Variants in SMG1 observed in about 807,000 individuals in gnomAD.
The protein encoded by SMG1 is SMG1 nonsense mediated mRNA decay associated PI3K related kinase.
A neutral mutation model predicts 419.9 loss-of-function variants in SMG1; 22 were observed. The observed-to-expected ratio is 0.05, with a 90% CI of 0.04 to 0.07. The LOEUF (loss-of-function observed/expected upper bound fraction) is 0.07, where lower values mean the gene tolerates loss of function less well. Among genes scored for constraint, SMG1 ranks in the 10% least tolerant of loss-of-function variants. The pLI, the probability that SMG1 is intolerant of heterozygous loss-of-function variation, is 1.00. For missense variants in SMG1, 3,185 were observed against 4,342.0 expected, an observed-to-expected ratio of 0.73 and a Z score of 7.49; for synonymous variants, 1,538 against 1,553.5, an observed-to-expected ratio of 0.99 and a Z score of 0.23.
intron 36 of SMG1, 58 bp downstream of exon 36, chr16:18,849,159 C>A: frequency 8.5e-7 from 1 of 1,174,932 alleles, no homozygotes. Flanking sequence ...TTTGACCTCA[C>A]TAAAATTATT....
rs951091755 is a variant in SMG1, at chr16:18,808,412, T to A, written c.*1157A>T. The A allele has an allele frequency of 6.6e-6, 1 of 152,156 alleles. No individual in the cohort carries two copies. The highest frequency in any genetic ancestry group is 2.4e-5 in the African/African-American group (1 of 41,432). 9.4% of individuals were successfully genotyped at this position (152,156 alleles called of 1,614,324 possible). ...AATTAAAAGTATCAAATGAAAAACA[T>A]GAATTAAAAAAATTTCAGTCTACCT... On this transcript the variant is annotated 3_prime_UTR_variant, in exon 63 of 63. Coordinates refer to ENST00000446231, the MANE Select transcript of SMG1 (RefSeq NM_015092.5).
intron 29 of SMG1, chr16:18,857,231 C>T (rs1292081014): frequency 1.3e-5 from 2 of 152,196 alleles, no homozygotes; most frequent in Non-Finnish European, 2.9e-5. Context: ...GTAACACCAG[C>T]TATCATGTTT....
At position 18,835,136 on chromosome 16, in the gene SMG1, G is replaced by T; in HGVS notation, c.8086C>A (p.Pro2696Thr). The change falls in exon 49 of 63, where the codon CCC becomes ACC. Residue 2696 changes from proline to threonine, a missense_variant. This residue lies in a region of SMG1 where 412 missense variants were observed against 546.6 expected (regional missense o/e 0.75). Coordinates refer to ENST00000446231, the MANE Select transcript of SMG1 (RefSeq NM_015092.5). ...GTGATGAACTGACACACTGTTGGGG[G>T]TGGCTGGGGAGCATATTGCATTTCA... ...KYEMQYAPQP[P>T]PTVCQFITAT... is the part of the protein sequence containing the mutation. 2 of 1,612,274 alleles carry T rather than the reference G, an allele frequency of 1.2e-6. No homozygotes were observed. Among genetic ancestry groups the T allele is most frequent in the Non-Finnish European group, 1.7e-6 (2 of 1,178,404 alleles).
intron 25 of SMG1, among the ~76,000 whole-genome samples, chr16:18,863,297 G>T (rs1038302860): frequency 2.0e-5 from 3 of 152,158 alleles, no homozygotes; most frequent in African/African-American, 7.2e-5. Flanking sequence ...AAATGTTTTT[G>T]ATATATTCAG....
chr16:18,888,818 ATCTTTTTT>A (rs1287175906), intron 6 of SMG1, among the ~76,000 whole-genome samples: 16 of 113,726 alleles, frequency 1.4e-4, no homozygotes, highest in Non-Finnish European at 2.4e-4. Flanking sequence ...TTCAACATGT[ATCTTTTTT>A]TTTTTTTTTT....
At chr16:18,810,161 TTA>T (rs886205611) in intron 62 of SMG1, among the ~76,000 whole-genome samples, 1 of 152,140 alleles carries the variant, frequency 6.6e-6, no homozygotes, top group Non-Finnish European at 1.5e-5. Context: ...AAATGTACAT[TTA>T]TAATGAAGAC....
chr16:18,905,945 T>A (rs899914241), intron 1 of SMG1, among the ~76,000 whole-genome samples: 1 of 152,064 alleles, frequency 6.6e-6, no homozygotes, highest in Non-Finnish European at 1.5e-5. Context: ...TTAGATTTCA[T>A]TGTGTATCAT....
intron 46 of SMG1, 60 bp downstream of exon 46, chr16:18,837,193 A>G: frequency 7.1e-7 from 1 of 1,408,894 alleles, no homozygotes; most frequent in African/African-American, 1.4e-5. Context: ...TGATGTTTAC[A>G]TGAATATGAA....
chr16:18,830,771 C>G (rs2033121804), intron 51 of SMG1, among the ~76,000 whole-genome samples: 1 of 151,884 alleles, frequency 6.6e-6, no homozygotes, highest in African/African-American at 2.4e-5. Flanking sequence ...CCAGTCTGGG[C>G]AACAAGAGCG....
At chr16:18,869,710 T>C in intron 19 of SMG1, 144 bp downstream of exon 19, 1 of 724,994 alleles carries the variant, frequency 1.4e-6, no homozygotes, top group Non-Finnish European at 2.3e-6. Context: ...TTCCTATTGA[T>C]GAAAACTAAA....
rs771400868 is a variant in SMG1, at chr16:18,860,729, T to C, written c.3743A>G (p.Gln1248Arg). 1.3e-6 allele frequency: 2 copies of C among 1,551,624 alleles called. No individual in the cohort carries two copies. Among genetic ancestry groups the C allele is most frequent in the Admixed American group, 1.7e-5 (1 of 57,930 alleles). The change falls in exon 26 of 63, where the codon CAG (glutamine) becomes CGG (arginine). Residue 1248 changes from glutamine (Q) to arginine (R), a missense_variant. Coordinates refer to ENST00000446231, the MANE Select transcript of SMG1 (RefSeq NM_015092.5). Reference sequence around the variant, plus strand: ...ATTTTCTCCTGGTAACAATTCTAACTGCTCGGTACATTCAACAAATTTTCC... The same window carrying C: ...ATTTTCTCCTGGTAACAATTCTAACCGCTCGGTACATTCAACAAATTTTCC... ...ESGKFVECTE[Q>R]LELLPGENIN...
intron 40 of SMG1, 111 bp downstream of exon 40, chr16:18,842,097 G>A (rs2033960580): frequency 6.8e-6 from 8 of 1,185,164 alleles, no homozygotes; most frequent in South Asian, 1.6e-5. Context: ...GGCTAATAAT[G>A]ACATACAGAA....
intron 6 of SMG1, among the ~76,000 whole-genome samples, chr16:18,887,521 T>TTTTTTTTTG (rs2036668579): frequency 1.4e-5 from 2 of 140,326 alleles, no homozygotes; most frequent in African/African-American, 2.6e-5. Context: ...TTTTCCTTTT[T>TTTTTTTTTG]TTTTTTTTTT....
chr16:18,874,724 G>A (rs552018946), intron 13 of SMG1, among the ~76,000 whole-genome samples: 1 of 150,580 alleles, frequency 6.6e-6, no homozygotes, highest in Non-Finnish European at 1.5e-5. Context: ...AAATTAGCCC[G>A]TCGTAGTGGT....
intron 23 of SMG1, among the ~76,000 whole-genome samples, chr16:18,865,392 C>T (rs575486790): frequency 1.3e-5 from 2 of 152,270 alleles, no homozygotes; most frequent in African/African-American, 4.8e-5. Context: ...GTATAAACTG[C>T]AGCCACCTTT....
intron 31 of SMG1, among the ~76,000 whole-genome samples, chr16:18,853,365 G>C (rs1164786863): frequency 1.3e-5 from 2 of 152,118 alleles, no homozygotes; most frequent in East Asian, 3.9e-4. Flanking sequence ...AAACATCTAA[G>C]TCCATAAAAG....
At chr16:18,814,714 A>T (rs2606550) in intron 60 of SMG1, among the ~76,000 whole-genome samples, 13,307 of 147,552 alleles carry the variant, frequency 0.09, 729 homozygotes, top group African/African-American at 0.16. Context: ...AGCTGGGACT[A>T]CAAGCATCTG....
Position 18,872,479 on chromosome 16 carries a change from T to C in SMG1, c.2021+15A>G. 1 of 1,540,184 alleles carries C rather than the reference T, an allele frequency of 6.5e-7. No homozygotes were observed. Among genetic ancestry groups the C allele is most frequent in the South Asian group, 1.2e-5 (1 of 80,956 alleles). ...GTTTTGTGGGGTTCTTAAGAAAAAT[T>C]TGTAAATACAGTACCTGGTACAATG... is the stretch of plus-strand genomic sequence containing the variant. On this transcript the variant is annotated intron_variant, in intron 14 of 62. Coordinates refer to ENST00000446231, the MANE Select transcript of SMG1 (RefSeq NM_015092.5).
intron 23 of SMG1, 137 bp from the exon 24 acceptor site, chr16:18,864,281 T>C: frequency 1.4e-6 from 1 of 713,674 alleles, no homozygotes; most frequent in East Asian, 3.0e-5. Flanking sequence ...ATGCAACCTC[T>C]GCCTCCTGGG....
Sources: allele counts gnomAD v4.1 joint callset (sites outside exome capture counted in the v4.1 genomes callset), GRCh38; gene constraint gnomAD v4.1.1; regional missense constraint gnomAD v4.1.1; transcripts MANE v1.5; gene names NCBI Gene and HGNC (gene_info 2026-07-23, HGNC 2026-07-21).